Variants in LDLRAD4 observed in about 807,000 individuals in gnomAD.
LDLRAD4 encodes the protein low density lipoprotein receptor class A domain containing 4.
In LDLRAD4, 5 loss-of-function variants were observed where a neutral mutation model predicts 17.0. The observed-to-expected ratio is 0.29, with a 90% CI of 0.15 to 0.62. The LOEUF (loss-of-function observed/expected upper bound fraction) is 0.62. Ranked by LOEUF, LDLRAD4 falls within the 20% of genes least tolerant of loss-of-function variation. The pLI, the probability that LDLRAD4 is intolerant of heterozygous loss-of-function variation, is 0.84. For missense variants in LDLRAD4, 340 were observed against 424.7 expected, an observed-to-expected ratio of 0.80 and a Z score of 1.75; for synonymous variants, 168 against 171.8, an observed-to-expected ratio of 0.98 and a Z score of 0.17.
rs1415611269 is a variant in LDLRAD4 at position 13,473,646 on chromosome 18, T to TC, written c.181+35262_181+35263insC. Among the ~76,000 whole-genome samples the TC allele has an allele frequency of 6.3e-4, 44 of 70,398 alleles. 1 individual carries two copies. Among genetic ancestry groups the TC allele is most frequent in the African/African-American group, 1.6e-3 (36 of 21,872 alleles). 46.2% of individuals were successfully genotyped at this position (70,398 alleles called of 152,430 possible). A position where few individuals can be genotyped will look rare whatever the true frequency, so the allele number is the denominator to read the frequency against. On this transcript the variant is annotated intron_variant, in intron 3 of 5. Coordinates refer to ENST00000359446, the Ensembl canonical transcript of LDLRAD4. ...AGTAAGATCCCATCTCATATATATA[T>TC]ATATATATATATATATATATATATA... is the stretch of plus-strand genomic sequence containing the variant.
chr18:13,304,154 G>A (rs984678840), intron 1 of LDLRAD4, among the ~76,000 whole-genome samples: 2 of 152,166 alleles, frequency 1.3e-5, no homozygotes, highest in Non-Finnish European at 2.9e-5. Flanking sequence ...GGACCTGGGC[G>A]GCTTCCCGGC....
intron 1 of LDLRAD4, among the ~76,000 whole-genome samples, chr18:13,326,955 T>A (rs888196054): frequency 6.6e-6 from 1 of 152,138 alleles, no homozygotes; most frequent in Non-Finnish European, 1.5e-5. Flanking sequence ...AAATAGCAGG[T>A]GCTGACAGGA....
At chr18:13,597,296 T>C (rs1219970788) in intron 3 of LDLRAD4, among the ~76,000 whole-genome samples, 2 of 152,208 alleles carry the variant, frequency 1.3e-5, no homozygotes, top group Admixed American at 1.3e-4. Flanking sequence ...TTAATCTTAA[T>C]AGGGTTATCT....
intron 1 of LDLRAD4, among the ~76,000 whole-genome samples, chr18:13,248,676 GA>G (rs1222399427): frequency 6.6e-6 from 1 of 152,196 alleles, no homozygotes; most frequent in Non-Finnish European, 1.5e-5. Context: ...GGTACATAGT[GA>G]TGTTTTGATA....
chr18:13,475,161 C>G (rs376578102), intron 3 of LDLRAD4, among the ~76,000 whole-genome samples: 1 of 152,216 alleles, frequency 6.6e-6, no homozygotes, highest in Non-Finnish European at 1.5e-5. Context: ...TCAGTCTGTG[C>G]TTGGCACTTT....
chr18:13,303,211 C>A (rs1339132502), intron 1 of LDLRAD4, among the ~76,000 whole-genome samples: 1 of 152,160 alleles, frequency 6.6e-6, no homozygotes, highest in Non-Finnish European at 1.5e-5. Context: ...TCGTCAGATC[C>A]GTTGAGGGGG....
At chr18:13,255,296 A>G (rs1462766123) in intron 1 of LDLRAD4, among the ~76,000 whole-genome samples, 2 of 152,190 alleles carry the variant, frequency 1.3e-5, no homozygotes, top group South Asian at 2.1e-4. Context: ...GCAGAGGCAG[A>G]CAATGGAAAG....
In LDLRAD4 at chr18:13,400,989, C is replaced by T. The variant is rs547792617; in HGVS notation, c.40+13227C>T. Among the ~76,000 whole-genome samples, 12 of 152,156 alleles carry T rather than the reference C, an allele frequency of 7.9e-5. No homozygotes were observed. The South Asian group carries it at 2.3e-3, about 29-fold the overall frequency. Reference sequence around the variant, plus strand: ...ATCAAATGTATCCTGCCATTTCAGACAGCATTCAGGTCCCGTAGAAAATCA... The same window carrying T: ...ATCAAATGTATCCTGCCATTTCAGATAGCATTCAGGTCCCGTAGAAAATCA... On this transcript the variant is annotated intron_variant, in intron 2 of 5. Transcript: ENST00000359446.
At chr18:13,525,385 G>A (rs536401670) in intron 3 of LDLRAD4, among the ~76,000 whole-genome samples, 3 of 152,164 alleles carry the variant, frequency 2.0e-5, no homozygotes, top group Non-Finnish European at 2.9e-5. Flanking sequence ...ATTTAAACAC[G>A]CTAAAGTCAA....
chr18:13,442,001 G>A (rs1396035267), intron 3 of LDLRAD4, among the ~76,000 whole-genome samples: 62 of 152,220 alleles, frequency 4.1e-4, no homozygotes, highest in Admixed American at 4.1e-3. Flanking sequence ...GAAATATGCT[G>A]TCAGCCTAAG....
At chr18:13,429,486 CA>C (rs1380507001) in intron 2 of LDLRAD4, among the ~76,000 whole-genome samples, 1 of 152,170 alleles carries the variant, frequency 6.6e-6, no homozygotes, top group African/African-American at 2.4e-5. Context: ...GTCCAGAATT[CA>C]GGAATCCATT....
chr18:13,386,119 G>A (rs1322363575), intron 1 of LDLRAD4, among the ~76,000 whole-genome samples: 3 of 152,114 alleles, frequency 2.0e-5, no homozygotes, highest in African/African-American at 7.2e-5. Flanking sequence ...GTTCTCTTAA[G>A]TTCTTTTTCT....
chr18:13,236,038 A>G (rs2042313501), intron 1 of LDLRAD4, among the ~76,000 whole-genome samples: 1 of 152,250 alleles, frequency 6.6e-6, no homozygotes, highest in South Asian at 2.1e-4. Context: ...AGGGTGTGGA[A>G]TAAAAAGTCA....
chr18:13,516,922 T>A (rs6505820), intron 3 of LDLRAD4, among the ~76,000 whole-genome samples: 47,821 of 152,130 alleles, frequency 0.31, 7,995 homozygotes, highest in Middle Eastern at 0.5. Context: ...CAATCCTAGA[T>A]CACTGCAGCC....
At chr18:13,549,319 T>C (rs1175719639) in intron 3 of LDLRAD4, among the ~76,000 whole-genome samples, 1 of 152,124 alleles carries the variant, frequency 6.6e-6, no homozygotes, top group Non-Finnish European at 1.5e-5. Flanking sequence ...AAAACCATAA[T>C]GAAAACAGCT....
At chr18:13,245,344 A>C (rs1267588351) in intron 1 of LDLRAD4, among the ~76,000 whole-genome samples, 2 of 152,190 alleles carry the variant, frequency 1.3e-5, no homozygotes, top group Non-Finnish European at 2.9e-5. Context: ...TGTTGGATTC[A>C]GGTGATATCA....
intron 3 of LDLRAD4, among the ~76,000 whole-genome samples, chr18:13,479,355 C>G (rs28835641): frequency 6.6e-6 from 1 of 152,116 alleles, no homozygotes; most frequent in Middle Eastern, 3.2e-3. Context: ...GTGCAGTGGC[C>G]GACATCTGTA....
chr18:13,545,797 C>A (rs572340634), intron 3 of LDLRAD4, among the ~76,000 whole-genome samples: 79 of 152,278 alleles, frequency 5.2e-4, no homozygotes, highest in African/African-American at 1.8e-3. Flanking sequence ...TGGAGCCTTC[C>A]AGGGGTGGAA....
In LDLRAD4 at chr18:13,349,168, C is replaced by T. The variant is rs540651909; in HGVS notation, c.-382-38173C>T. On this transcript the variant is annotated intron_variant, in intron 1 of 5. Coordinates refer to ENST00000359446, the Ensembl canonical transcript of LDLRAD4. ...AATCGTTTGTCTTCTGCGTTGCTCACGCTGGGAGCTGTAGACTGGAGCTGT... is the reference window on the plus strand; with the variant it reads ...AATCGTTTGTCTTCTGCGTTGCTCATGCTGGGAGCTGTAGACTGGAGCTGT... Among the ~76,000 whole-genome samples the T allele has an allele frequency of 2.6e-4, 40 of 152,338 alleles. No homozygotes were observed. In the South Asian group the frequency reaches 7.7e-3, roughly 29 times the overall value.
Sources: gnomAD v4.1 joint callset for allele counts (sites outside exome capture counted in the v4.1 genomes callset) on GRCh38, gnomAD v4.1.1 for gene constraint, MANE v1.5 for transcripts, NCBI Gene and HGNC (gene_info 2026-07-23, HGNC 2026-07-21) for gene names.